CDYL: variants seen among roughly 807,000 people sequenced by gnomAD.
CDYL encodes the protein chromodomain Y-like protein.
A neutral mutation model predicts 47.3 loss-of-function variants in CDYL; 8 were observed. That is an observed-to-expected ratio of 0.17 (90% confidence interval 0.10 to 0.31). The LOEUF (loss-of-function observed/expected upper bound fraction) is 0.31, where lower values mean the gene tolerates loss of function less well. CDYL is among the 10% of genes least tolerant of loss of function. The probability of loss-of-function intolerance (pLI) is 1.00; values close to 1 mark genes in which losing one functional copy is unlikely to be tolerated. For missense variants in CDYL, 471 were observed against 701.4 expected, an observed-to-expected ratio of 0.67 and a Z score of 3.71; for synonymous variants, 266 against 265.0, an observed-to-expected ratio of 1.00 and a Z score of -0.04.
At chr6:4,928,705 A>G (rs530902369) in intron 2 of CDYL, 1 of 152,304 alleles carries the variant, frequency 6.6e-6, no homozygotes, top group East Asian at 1.9e-4. Context: ...CTTAACCTGC[A>G]TAGCCTATAA....
At chr6:4,769,860 G>C (rs933536359) in intron 3 of CDYL, among the ~76,000 whole-genome samples, 1 of 152,086 alleles carries the variant, frequency 6.6e-6, no homozygotes, top group East Asian at 1.9e-4. Context: ...GCAGTGGCGC[G>C]ATCTCGGCTC....
rs141406952 is a variant in CDYL, at chr6:4,943,904, G to A, written c.1332+148G>A. The A allele has an allele frequency of 3.7e-3, 2,226 of 595,264 alleles. 7 individuals carry two copies. The highest frequency in any genetic ancestry group is 5.1e-3 in the Non-Finnish European group (1,801 of 351,740). The allele number at this position is 595,264 out of a possible 1,614,324, so 36.9% of individuals were successfully genotyped here. Reference sequence around the variant, plus strand: ...GTAATTCAGATTTGGGTTCATAGACGTTGTTGACCTTTGTTGCATCATTCC... The same window carrying A: ...GTAATTCAGATTTGGGTTCATAGACATTGTTGACCTTTGTTGCATCATTCC... On this transcript the variant is annotated intron_variant, in intron 5 of 6. Transcript: ENST00000397588.
intron 3 of CDYL, among the ~76,000 whole-genome samples, chr6:4,760,911 C>G (rs1366447469): frequency 1.3e-5 from 2 of 151,876 alleles, no homozygotes; most frequent in Non-Finnish European, 2.9e-5. Context: ...CGCATCCCAA[C>G]CCCCGTAGAT....
chr6:4,745,487 A>G (rs931803640), intron 3 of CDYL, among the ~76,000 whole-genome samples: 60 of 152,098 alleles, frequency 3.9e-4, no homozygotes, highest in African/African-American at 1.4e-3. Flanking sequence ...CTGTAATCTC[A>G]GCACTTTGGG....
chr6:4,717,150 T>G (rs1757280132), intron 2 of CDYL, among the ~76,000 whole-genome samples: 1 of 152,156 alleles, frequency 6.6e-6, no homozygotes, highest in Non-Finnish European at 1.5e-5. Flanking sequence ...TTGTCGTGGC[T>G]GGAGCAGTGA....
intron 1 of CDYL, among the ~76,000 whole-genome samples, chr6:4,816,005 G>T (rs1282108882): frequency 6.7e-6 from 1 of 149,602 alleles, no homozygotes; most frequent in Non-Finnish European, 1.5e-5. Context: ...CCTATTGGAG[G>T]ATATTATTGT....
intron 3 of CDYL, among the ~76,000 whole-genome samples, chr6:4,746,442 A>G (rs1011432514): frequency 2.0e-5 from 3 of 151,990 alleles, no homozygotes; most frequent in Admixed American, 2.0e-4. Flanking sequence ...GAAATCAATG[A>G]GTCTATCAAG....
At chr6:4,951,221 A>G (rs1758693185) in intron 5 of CDYL, among the ~76,000 whole-genome samples, 1 of 152,160 alleles carries the variant, frequency 6.6e-6, no homozygotes, top group Non-Finnish European at 1.5e-5. Flanking sequence ...GTGTTTTACC[A>G]GAGCCCCAGG....
intron 1 of CDYL, among the ~76,000 whole-genome samples, chr6:4,825,864 A>G (rs1418383769): frequency 1.4e-4 from 21 of 151,778 alleles, no homozygotes; most frequent in Non-Finnish European, 2.1e-4. Context: ...AAAAAAAAAA[A>G]AAGAGAGTCA....
At chr6:4,879,947 T>A (rs1156363077) in intron 1 of CDYL, among the ~76,000 whole-genome samples, 1 of 152,066 alleles carries the variant, frequency 6.6e-6, no homozygotes, top group Non-Finnish European at 1.5e-5. Flanking sequence ...CCCTATACCC[T>A]CTCGCACGCC....
chr6:4,839,095 T>C (rs1302292281), intron 1 of CDYL, among the ~76,000 whole-genome samples: 1 of 152,244 alleles, frequency 6.6e-6, no homozygotes, highest in Non-Finnish European at 1.5e-5. Flanking sequence ...TATTATTTTT[T>C]GATTTTTCGA....
In CDYL at chr6:4,945,010, G is replaced by A. The variant is rs143942525; in HGVS notation, c.1332+1254G>A. 2.0e-3 allele frequency among the ~76,000 whole-genome samples: 304 copies of A among 152,290 alleles called. 2 individuals are homozygous for A. The highest frequency in any genetic ancestry group is 7.1e-3 in the African/African-American group (294 of 41,556). On this transcript the variant is annotated intron_variant, in intron 5 of 6. Coordinates refer to ENST00000397588, the MANE Select transcript of CDYL (RefSeq NM_004824.4). ...GGGGGGCAGTCTGCAGACACCCGCAGTGCTCCACCAAAGCGCCAAGGTCGG... is the reference window on the plus strand; with the variant it reads ...GGGGGGCAGTCTGCAGACACCCGCAATGCTCCACCAAAGCGCCAAGGTCGG...
chr6:4,794,703 C>T (rs1256182227), intron 1 of CDYL, among the ~76,000 whole-genome samples: 3 of 152,116 alleles, frequency 2.0e-5, no homozygotes, highest in Non-Finnish European at 4.4e-5. Flanking sequence ...TCGTCTCTCT[C>T]AGTAATGTTT....
At chr6:4,916,495 AG>A (rs1757559978) in intron 2 of CDYL, among the ~76,000 whole-genome samples, 2 of 152,380 alleles carry the variant, frequency 1.3e-5, no homozygotes. Context: ...ACAACCACTG[AG>A]AACAGGTTTT....
intron 3 of CDYL, among the ~76,000 whole-genome samples, chr6:4,767,488 G>A (rs1050318845): frequency 1.3e-5 from 2 of 151,560 alleles, no homozygotes; most frequent in Admixed American, 1.3e-4. Flanking sequence ...CGGGAGAATC[G>A]TTTGAACCCA....
intron 2 of CDYL, among the ~76,000 whole-genome samples, chr6:4,725,399 G>A (rs1207763192): frequency 1.3e-5 from 2 of 152,350 alleles, no homozygotes; most frequent in South Asian, 2.1e-4. Context: ...CGTGGGGGAG[G>A]CTCCGGCGGC....
At chr6:4,885,210 C>T (rs1174854296) in intron 1 of CDYL, among the ~76,000 whole-genome samples, 1 of 152,028 alleles carries the variant, frequency 6.6e-6, no homozygotes, top group African/African-American at 2.4e-5. Flanking sequence ...TCCAGGCTGG[C>T]CTCAAACTGC....
chr6:4,713,589 CTTTT>C (rs11375423), intron 1 of CDYL, among the ~76,000 whole-genome samples: 2 of 113,646 alleles, frequency 1.8e-5, no homozygotes, highest in Non-Finnish European at 4.2e-5. Context: ...CATTTAGATT[CTTTT>C]TTTTTTTTTT....
intron 1 of CDYL, among the ~76,000 whole-genome samples, chr6:4,848,889 T>C (rs1760741790): frequency 6.6e-6 from 1 of 152,250 alleles, no homozygotes; most frequent in Middle Eastern, 3.2e-3. Flanking sequence ...CAGAAGGTCA[T>C]TGTATTTATA....
Sources: gnomAD v4.1 joint callset for allele counts (sites outside exome capture counted in the v4.1 genomes callset) on GRCh38, gnomAD v4.1.1 for gene constraint, MANE v1.5 for transcripts, NCBI Gene and HGNC (gene_info 2026-07-23, HGNC 2026-07-21) for gene names.